The following COG7 variants were observed in gnomAD, a reference collection of about 807,000 sequenced individuals.
COG7 encodes conserved oligomeric Golgi complex subunit 7.
Under a neutral mutation model 91.5 loss-of-function variants are expected in COG7, and 49 were observed. The observed-to-expected ratio is 0.54, with a 90% CI of 0.43 to 0.68. The LOEUF is 0.68. Ranked by LOEUF, COG7 falls within the 30% of genes least tolerant of loss-of-function variation. The pLI, the probability that COG7 is intolerant of heterozygous loss-of-function variation, is 0.00. For synonymous variants in COG7, 365 were observed against 388.7 expected, an observed-to-expected ratio of 0.94 and a Z score of 0.72; for missense variants, 895 against 961.3, an observed-to-expected ratio of 0.93 and a Z score of 0.91.
chr16:23,441,975 G>A (rs185100655), intron 4 of COG7: 6 of 155,618 alleles, frequency 3.9e-5, no homozygotes, highest in South Asian at 3.9e-4. Flanking sequence ...GAATTCTGAA[G>A]GAGAAAGTGT....
At position 23,388,864 on chromosome 16, in the gene COG7, T is replaced by C. The variant is rs906856281; in HGVS notation, c.*56A>G. The C allele has an allele frequency of 8.7e-6, 14 of 1,612,302 alleles. No homozygotes were observed. The highest frequency in any genetic ancestry group is 1.7e-4 in the Middle Eastern group (1 of 6,008). The stretch of plus-strand genomic sequence containing the variant: ...GCAGAGTTTCTGAGCAAATCTGTGC[T>C]GGTGAGTCGCGAAACAGCAGCCCTG... On this transcript the variant is annotated 3_prime_UTR_variant, in exon 17 of 17. Coordinates refer to ENST00000307149, the MANE Select transcript of COG7 (RefSeq NM_153603.4).
chr16:23,449,140 G>C (rs1964224995), intron 1 of COG7, among the ~76,000 whole-genome samples: 1 of 151,922 alleles, frequency 6.6e-6, no homozygotes, highest in Non-Finnish European at 1.5e-5. Context: ...GAGGCGAGTG[G>C]ATCACAAGGT....
At chr16:23,413,199 T>A in intron 10 of COG7, 2 of 432,936 alleles carry the variant, frequency 4.6e-6, no homozygotes, top group Non-Finnish European at 8.5e-6. Flanking sequence ...TTTAAGTCAT[T>A]AAAGGAGATG....
chr16:23,399,589 C>T (rs1393624282), intron 13 of COG7, among the ~76,000 whole-genome samples: 1 of 152,028 alleles, frequency 6.6e-6, no homozygotes, highest in Non-Finnish European at 1.5e-5. Flanking sequence ...CCCTCTCCCC[C>T]CTGCAGACAC....
At chr16:23,446,445 C>CTTTTTTT (rs34254755) in intron 1 of COG7, 7 of 112,544 alleles carry the variant, frequency 6.2e-5, no homozygotes, top group Admixed American at 9.1e-5. Flanking sequence ...TTTCCATGGT[C>CTTTTTTT]TTTTTTTTTT....
chr16:23,437,654 C>T (rs932811890), intron 4 of COG7, among the ~76,000 whole-genome samples: 8 of 150,078 alleles, frequency 5.3e-5, no homozygotes, highest in Non-Finnish European at 8.9e-5. Context: ...CAAGGAGGGG[C>T]TTCCAAGGAA....
intron 10 of COG7, chr16:23,413,030 T>G: frequency 1.0e-5 from 2 of 197,678 alleles, no homozygotes; most frequent in Non-Finnish European, 2.1e-5. Context: ...CAAATAGCGT[T>G]GCCTGGAACC....
intron 7 of COG7, among the ~76,000 whole-genome samples, chr16:23,422,780 C>T (rs1963779354): frequency 6.6e-6 from 1 of 151,976 alleles, no homozygotes; most frequent in Non-Finnish European, 1.5e-5. Flanking sequence ...TGGTGGCTTA[C>T]ACCTGTAATC....
At chr16:23,410,177 C>T in intron 11 of COG7, 118 bp downstream of exon 11, 3 of 782,960 alleles carry the variant, frequency 3.8e-6, no homozygotes, top group South Asian at 1.4e-5. Context: ...ACAGACAGTC[C>T]TCCAGCCCTG....
chr16:23,418,803 G>T lies in COG7; in HGVS notation c.1034C>A (p.Thr345Lys). ...HLHEHNLVKV[T>K]ELVDAVYDPY... ...ATCATACACAGCATCCACCAGCTCC[G>T]TGACTTTTACCAGATTGTGTTCATC... Residue 345 changes from threonine (T) to lysine (K), a missense_variant, in exon 8 of 17, where the codon ACG becomes AAG. Transcript: ENST00000307149. 6.2e-7 allele frequency: 1 copy of T among 1,613,522 alleles called. No homozygotes were observed.
In COG7 at chr16:23,398,233, T is replaced by C. The variant is rs1165682914; in HGVS notation, c.1804-104A>G. 7.8e-6 allele frequency: 7 copies of C among 902,676 alleles called. No homozygotes were observed. The East Asian group carries it at 1.8e-4, about 23-fold the overall frequency. The allele number at this position is 902,676 out of a possible 1,614,324, so 55.9% of individuals were successfully genotyped here. A position where few individuals can be genotyped will look rare whatever the true frequency, so the allele number is the denominator to read the frequency against. On this transcript the variant is annotated intron_variant, in intron 13 of 16. Coordinates refer to ENST00000307149, the MANE Select transcript of COG7 (RefSeq NM_153603.4). Reference sequence around the variant, plus strand: ...AGAACATGGCCTTCCCTGGAGGCACTGTCTTTGGTTGGAGCTGACCGTTGG... The same window carrying C: ...AGAACATGGCCTTCCCTGGAGGCACCGTCTTTGGTTGGAGCTGACCGTTGG...
intron 6 of COG7, among the ~76,000 whole-genome samples, chr16:23,430,296 G>A (rs917739217): frequency 6.6e-5 from 10 of 151,952 alleles, no homozygotes; most frequent in African/African-American, 2.4e-4. Context: ...GGGTGTGGTG[G>A]CACGCACCTG....
intron 14 of COG7, among the ~76,000 whole-genome samples, chr16:23,395,714 T>C (rs537523729): frequency 5.8e-4 from 89 of 152,194 alleles, no homozygotes; most frequent in Non-Finnish European, 1.2e-3. Flanking sequence ...TGGAAATCAA[T>C]ATGGAAAGGG....
At chr16:23,428,459 G>A (rs936226430) in intron 6 of COG7, among the ~76,000 whole-genome samples, 1 of 151,886 alleles carries the variant, frequency 6.6e-6, no homozygotes, top group African/African-American at 2.4e-5. Context: ...TTTCGCAAAG[G>A]AAGATGCACA....
rs1389625276 is a variant in COG7, at chr16:23,433,524, AG to A, written c.810+20del. 6.2e-7 allele frequency: 1 copy of A among 1,613,914 alleles called. No individual in the cohort carries two copies. Among genetic ancestry groups the A allele is most frequent in the East Asian group, 2.2e-5 (1 of 44,868 alleles). On this transcript the variant is annotated intron_variant, in intron 6 of 16. Coordinates refer to ENST00000307149, the MANE Select transcript of COG7 (RefSeq NM_153603.4). ...TGTCACCACAGACTCTGTTCTCCCT[AG>A]AACAAAAATGAGCTGTTACCTGTGT...
rs977657501 is a variant in COG7, at chr16:23,391,917, T to C, written c.2146+463A>G. On this transcript the variant is annotated intron_variant, in intron 16 of 16. Coordinates refer to ENST00000307149, the MANE Select transcript of COG7 (RefSeq NM_153603.4). The stretch of plus-strand genomic sequence containing the variant: ...ACATGGCCTTGTTATGGAACTGCCC[T>C]GGGCCTCCGTTCCCTATCGGTATGA... The C allele has an allele frequency of 2.1e-4, 189 of 887,148 alleles. No individual in the cohort carries two copies. The African/African-American group carries it at 3.2e-3, about 15-fold the overall frequency. The allele number at this position is 887,148 out of a possible 1,614,324, so 55.0% of individuals were successfully genotyped here.
chr16:23,443,583 CG>C (rs1350668290), intron 3 of COG7, among the ~76,000 whole-genome samples: 2 of 151,062 alleles, frequency 1.3e-5, no homozygotes, highest in Non-Finnish European at 3.0e-5. Flanking sequence ...CCCAGCTACT[CG>C]GGAGGCTGAG....
At position 23,413,554 on chromosome 16, in the gene COG7, C is replaced by G; in HGVS notation, c.1303G>C (p.Asp435His). 1.3e-6 allele frequency: 2 copies of G among 1,585,472 alleles called. No homozygotes were observed. Among genetic ancestry groups the G allele is most frequent in the Middle Eastern group, 1.7e-4 (1 of 5,998 alleles). Reference sequence around the variant, plus strand: ...ATGGACTGGAGAGTGCTGGTGAAATCAGACACATACCTGCCGGGAAAGGGA... The same window carrying G: ...ATGGACTGGAGAGTGCTGGTGAAATGAGACACATACCTGCCGGGAAAGGGA... The part of the protein sequence containing the change: ...LKSLFAKYVS[D>H]FTSTLQSIRK... The change falls in exon 10 of 17, where the codon GAT (aspartate) becomes CAT (histidine). Residue 435 changes from aspartate to histidine, a missense_variant. Physicochemically the swap from Asp to His is moderately conservative, Grantham distance 81. Coordinates refer to ENST00000307149, the MANE Select transcript of COG7 (RefSeq NM_153603.4).
At chr16:23,442,669 T>G in intron 3 of COG7, 24 bp from the exon 4 acceptor site, 1 of 1,597,928 alleles carries the variant, frequency 6.3e-7, no homozygotes, top group Non-Finnish European at 8.6e-7. Flanking sequence ...GAATAGAGAA[T>G]ATTTATTTTA....
Sources: allele counts gnomAD v4.1 joint callset (sites outside exome capture counted in the v4.1 genomes callset), GRCh38; gene constraint gnomAD v4.1.1; transcripts MANE v1.5; gene names NCBI Gene and HGNC (gene_info 2026-07-23, HGNC 2026-07-21).